FDCSP: variants seen among roughly 807,000 people sequenced by gnomAD.
FDCSP encodes the protein follicular dendritic cell secreted protein.
A neutral mutation model predicts 8.9 loss-of-function variants in FDCSP; 8 were observed. That is an observed-to-expected ratio of 0.90 (90% CI 0.53 to 1.63). The LOEUF is 1.63. Among genes scored for constraint, FDCSP ranks in the 40% most tolerant of loss-of-function variants. The pLI is 0.00. For synonymous variants in FDCSP, 34 were observed against 34.5 expected (o/e 0.98, Z 0.06); for missense variants, 101 against 103.6 (o/e 0.98, Z 0.11).
chr4:70,232,923 T>C, intron 2 of FDCSP, 71 bp from the exon 3 acceptor site: 1 of 1,197,884 alleles, frequency 8.3e-7, no homozygotes, highest in East Asian at 2.5e-5. Context: ...TAGATTGTCA[T>C]GCATATGTAT....
rs1730153729 is a variant in FDCSP, at chr4:70,235,115, T to C, written c.*59T>C. 6.6e-6 allele frequency: 1 copy of C among 151,800 alleles called. No homozygotes were observed. The highest frequency in any genetic ancestry group is 1.5e-5 in the Non-Finnish European group (1 of 67,832). 9.4% of individuals were successfully genotyped at this position (151,800 alleles called of 1,614,324 possible). ...CTGAAATTGAAATTGAGCCACTTCCTTGAAGAATCAAAATTCCTGTTAATA... is the reference window on the plus strand; with the variant it reads ...CTGAAATTGAAATTGAGCCACTTCCCTGAAGAATCAAAATTCCTGTTAATA... On this transcript the variant is annotated 3_prime_UTR_variant, in exon 5 of 5. Coordinates refer to ENST00000317987, the MANE Select transcript of FDCSP (RefSeq NM_152997.4).
At chr4:70,235,061 C>T (rs1038200629) in intron 4 of FDCSP, 24 bp from the exon 5 acceptor site, 1 of 151,582 alleles carries the variant, frequency 6.6e-6, no homozygotes, top group Non-Finnish European at 1.5e-5. Flanking sequence ...CAATTAATAA[C>T]CATATGTCTG....
chr4:70,228,924 A>T (rs961533590), intron 1 of FDCSP, among the ~76,000 whole-genome samples: 3 of 151,818 alleles, frequency 2.0e-5, no homozygotes, highest in Non-Finnish European at 4.4e-5. Context: ...TCTTAAGGGC[A>T]CTACGATTTT....
intron 1 of FDCSP, among the ~76,000 whole-genome samples, chr4:70,227,128 T>C (rs549963519): frequency 6.6e-6 from 1 of 152,010 alleles, no homozygotes; most frequent in East Asian, 1.9e-4. Flanking sequence ...GAAATTATGC[T>C]TTATCATTGT....
chr4:70,234,240 A>C, intron 4 of FDCSP, 25 bp downstream of exon 4: 1 of 1,476,942 alleles, frequency 6.8e-7, no homozygotes, highest in Non-Finnish European at 9.1e-7. Flanking sequence ...TTACAATCAT[A>C]GTTTATTTTA....
At chr4:70,231,961 T>TA (rs1730091750) in intron 2 of FDCSP, among the ~76,000 whole-genome samples, 1 of 151,534 alleles carries the variant, frequency 6.6e-6, no homozygotes, top group Non-Finnish European at 1.5e-5. Context: ...AGTTTAAAAG[T>TA]AAAAAAGAAA....
At position 70,233,997 on chromosome 4, in the gene FDCSP, C is replaced by A. The variant is rs376079327; in HGVS notation, c.91-23C>A. 5.8e-4 allele frequency: 906 copies of A among 1,574,744 alleles called. 15 individuals carry two copies. The South Asian group carries it at 0.01, about 18-fold the overall frequency. On this transcript the variant is annotated intron_variant, in intron 3 of 4. Transcript: ENST00000317987. ...TTCTTTGTAAAAAGTGAAATAAACC[C>A]TTTAACTTCTTTCTTTCAACAGATC...
chr4:70,226,594 C>T (rs975724563), intron 1 of FDCSP, among the ~76,000 whole-genome samples: 1 of 151,780 alleles, frequency 6.6e-6, no homozygotes, highest in Admixed American at 6.6e-5. Context: ...ATTTCTTTGG[C>T]CTCCTCTTTT....
At chr4:70,229,635 C>A (rs1487415178) in intron 1 of FDCSP, among the ~76,000 whole-genome samples, 2 of 151,602 alleles carry the variant, frequency 1.3e-5, no homozygotes, top group East Asian at 3.9e-4. Context: ...TTAATATTAT[C>A]ATGTCTCAGG....
chr4:70,231,690 T>C (rs1424073761), intron 2 of FDCSP, among the ~76,000 whole-genome samples: 2 of 151,770 alleles, frequency 1.3e-5, no homozygotes, highest in Admixed American at 1.3e-4. Flanking sequence ...AATTATACTA[T>C]GCTTTTATCA....
At chr4:70,233,997 C>T (rs376079327) in intron 3 of FDCSP, 23 bp from the exon 4 acceptor site, 1 of 1,574,624 alleles carries the variant, frequency 6.4e-7, no homozygotes, top group African/African-American at 1.4e-5. Context: ...GAAATAAACC[C>T]TTTAACTTCT....
Position 70,227,870 on chromosome 4 carries a change from G to A in FDCSP, c.-1+1688G>A, listed in dbSNP as rs75327650. Among the ~76,000 whole-genome samples, 3 of 151,862 alleles carry A rather than the reference G, an allele frequency of 2.0e-5. No individual in the cohort carries two copies. The East Asian group carries it at 5.8e-4, about 30-fold the overall frequency. On this transcript the variant is annotated intron_variant, in intron 1 of 4. Coordinates refer to ENST00000317987, the MANE Select transcript of FDCSP (RefSeq NM_152997.4). ...TATCTTAATTAAAACATACTTTATT[G>A]CTCAAAAATGCTAACAATTATCTCA...
intron 3 of FDCSP, among the ~76,000 whole-genome samples, chr4:70,233,801 A>C (rs571693604): frequency 4.0e-4 from 61 of 151,764 alleles, no homozygotes; most frequent in South Asian, 1.0e-3. Flanking sequence ...ACTTGCCTTT[A>C]ACTGGAAAGG....
intron 1 of FDCSP, among the ~76,000 whole-genome samples, chr4:70,227,712 C>G (rs754871010): frequency 6.6e-6 from 1 of 151,654 alleles, no homozygotes; most frequent in Non-Finnish European, 1.5e-5. Flanking sequence ...TCTTGACCAC[C>G]ACCATAGAAT....
rs1051487534 is a variant in FDCSP, at chr4:70,227,482, A to C, written c.-1+1300A>C. Reference sequence around the variant, plus strand: ...TATAGGAAACATCAAAAGGTGATAAAATTTCCCTAGAATCTCCACTATCTC... The same window carrying C: ...TATAGGAAACATCAAAAGGTGATAACATTTCCCTAGAATCTCCACTATCTC... On this transcript the variant is annotated intron_variant, in intron 1 of 4. Transcript: ENST00000317987. 2.6e-5 allele frequency among the ~76,000 whole-genome samples: 4 copies of C among 151,646 alleles called. No homozygotes were observed. In the Admixed American group the frequency reaches 2.6e-4, roughly 10 times the overall value.
chr4:70,228,225 A>G (rs1009240087), intron 1 of FDCSP, among the ~76,000 whole-genome samples: 1 of 151,868 alleles, frequency 6.6e-6, no homozygotes, highest in African/African-American at 2.4e-5. Context: ...TTTGAAAAAT[A>G]TTCACAGCAT....
In FDCSP at chr4:70,232,985, G is replaced by T. The variant is rs1325655940; in HGVS notation, c.58-9G>T. 6.3e-7 allele frequency: 1 copy of T among 1,588,560 alleles called. No individual in the cohort carries two copies. Among genetic ancestry groups the T allele is most frequent in the South Asian group, 1.2e-5 (1 of 86,184 alleles). ...ATGAGTTTAATTAATTTCACTATTTGATCTTTAGGTCTCTCAAGACCAGGA... is the reference window on the plus strand; with the variant it reads ...ATGAGTTTAATTAATTTCACTATTTTATCTTTAGGTCTCTCAAGACCAGGA... On this transcript the variant is annotated splice_polypyrimidine_tract_variant and intron_variant, in intron 2 of 4. Coordinates refer to ENST00000317987, the MANE Select transcript of FDCSP (RefSeq NM_152997.4).
intron 1 of FDCSP, among the ~76,000 whole-genome samples, chr4:70,229,403 G>A (rs1730042489): frequency 6.6e-6 from 1 of 151,772 alleles, no homozygotes; most frequent in Non-Finnish European, 1.5e-5. Context: ...TCATTCCTGT[G>A]TTCATTGTAG....
chr4:70,233,605 A>T (rs1361480067), intron 3 of FDCSP, among the ~76,000 whole-genome samples: 2 of 151,760 alleles, frequency 1.3e-5, no homozygotes, highest in African/African-American at 2.4e-5. Flanking sequence ...ACAAAAATTA[A>T]TAGAGACACA....
Sources: gnomAD v4.1 joint callset for allele counts (sites outside exome capture counted in the v4.1 genomes callset) on GRCh38, gnomAD v4.1.1 for gene constraint, MANE v1.5 for transcripts, NCBI Gene and HGNC (gene_info 2026-07-23, HGNC 2026-07-21) for gene names.